Variants in CDRT4 observed in about 807,000 individuals in gnomAD.
CDRT4 encodes CMT1A duplicated region transcript 4, also known as CMT1A duplicated region transcript 4 protein.
For missense variants in CDRT4, 167 were observed against 193.1 expected (o/e 0.87, Z 0.80); for synonymous variants, 64 against 69.6 (o/e 0.92, Z 0.40).
rs1214359523 is a variant in CDRT4 at position 15,437,831 on chromosome 17, T to C, written c.401A>G (p.Asn134Ser). ...DSRDCPTENY[N>S]KIIFARKPMM... ...AGGCTTGCGGGCAAAGATGATCTTG[T>C]TATAGTTTTCAGTTGGACAGTCTCT... Residue 134 changes from asparagine to serine, a missense_variant, in exon 4 of 4, where the codon AAC (asparagine) becomes AGC (serine). By Grantham distance (46) the Asn-to-Ser change is conservative. Transcript: ENST00000619038. The C allele has an allele frequency of 6.2e-7, 1 of 1,614,146 alleles. No homozygotes were observed. Among genetic ancestry groups the C allele is most frequent in the East Asian group, 2.2e-5 (1 of 44,880 alleles).
intron 2 of CDRT4, among the ~76,000 whole-genome samples, chr17:15,446,153 C>G (rs1347005482): frequency 6.6e-6 from 1 of 152,050 alleles, no homozygotes; most frequent in Non-Finnish European, 1.5e-5. Flanking sequence ...CCGAATGGGC[C>G]GACAAGAGAC....
chr17:15,440,919 A>T (rs999552941), intron 2 of CDRT4, among the ~76,000 whole-genome samples: 7 of 152,192 alleles, frequency 4.6e-5, no homozygotes, highest in Non-Finnish European at 7.3e-5. Flanking sequence ...CACCTCCAGA[A>T]CTGCTGATTT....
At chr17:15,455,115 GGACCACA>G (rs1462904286) in intron 1 of CDRT4, among the ~76,000 whole-genome samples, 3 of 152,072 alleles carry the variant, frequency 2.0e-5, no homozygotes, top group African/African-American at 7.2e-5. Context: ...AGAATGACAG[GGACCACA>G]GAGAAAAGGA....
At chr17:15,455,387 G>A (rs1461381723) in intron 1 of CDRT4, among the ~76,000 whole-genome samples, 3 of 152,250 alleles carry the variant, frequency 2.0e-5, no homozygotes, top group African/African-American at 7.2e-5. Flanking sequence ...AGAGCCAATA[G>A]GATGAATGGC....
chr17:15,462,617 C>T (rs567072179), intron 1 of CDRT4, among the ~76,000 whole-genome samples: 1 of 152,188 alleles, frequency 6.6e-6, no homozygotes, highest in South Asian at 2.1e-4. Flanking sequence ...GAACAGGCTA[C>T]ACCTATTGCA....
rs546488122 is a variant in CDRT4 at position 15,464,252 on chromosome 17, C to T, written c.-130+3208G>A. The stretch of plus-strand genomic sequence containing the variant: ...CAATGGGTAGATGTGGAGACCCCTA[C>T]GCCAGGCAAGCCTTCAGGTTTGAGA... On this transcript the variant is annotated intron_variant, in intron 1 of 3. Transcript: ENST00000619038. The surrounding 1 kb of genome is among the most constrained non-coding windows in gnomAD (Gnocchi z 4.5). 1.3e-5 allele frequency among the ~76,000 whole-genome samples: 2 copies of T among 152,216 alleles called. No homozygotes were observed. The highest frequency in any genetic ancestry group is 1.9e-4 in the East Asian group (1 of 5,160).
intron 1 of CDRT4, among the ~76,000 whole-genome samples, chr17:15,466,613 C>T (rs371266883): frequency 6.6e-6 from 1 of 152,162 alleles, no homozygotes; most frequent in South Asian, 2.1e-4. Flanking sequence ...CAGCCTCAAA[C>T]TCCTGGGCTC....
intron 1 of CDRT4, among the ~76,000 whole-genome samples, chr17:15,460,189 C>T (rs1979683683): frequency 3.3e-5 from 5 of 152,204 alleles, no homozygotes; most frequent in Admixed American, 3.3e-4. Context: ...CTCTCTCCCA[C>T]CACATTCAAA....
chr17:15,454,504 AC>A (rs1979398911), intron 1 of CDRT4, among the ~76,000 whole-genome samples: 1 of 152,290 alleles, frequency 6.6e-6, no homozygotes, highest in Middle Eastern at 3.4e-3. Flanking sequence ...ACATGCATAC[AC>A]ATACAGGCAC....
chr17:15,446,600 C>T (rs922637966), intron 2 of CDRT4, among the ~76,000 whole-genome samples: 1 of 152,142 alleles, frequency 6.6e-6, no homozygotes, highest in Non-Finnish European at 1.5e-5. Flanking sequence ...AAGTCCATTA[C>T]CGCACTATCT....
At chr17:15,443,780 CA>C in intron 2 of CDRT4, 6 of 515,942 alleles carry the variant, frequency 1.2e-5, no homozygotes, top group Admixed American at 2.2e-5. Context: ...GGACAGAAAA[CA>C]AAAAAGGCTC....
At chr17:15,449,363 G>T (rs1016082094) in intron 2 of CDRT4, among the ~76,000 whole-genome samples, 1 of 152,226 alleles carries the variant, frequency 6.6e-6, no homozygotes, top group African/African-American at 2.4e-5. Flanking sequence ...TAAGCAGCCT[G>T]TCCAAGGTCA....
At chr17:15,456,910 G>A (rs1215763098) in intron 1 of CDRT4, among the ~76,000 whole-genome samples, 1 of 152,188 alleles carries the variant, frequency 6.6e-6, no homozygotes, top group Non-Finnish European at 1.5e-5. Context: ...TCTCTGCATT[G>A]TTAAAGCCAT....
At position 15,440,962 on chromosome 17, in the gene CDRT4, GA is replaced by G. The variant is rs547438314; in HGVS notation, c.-47-678del. 4.9e-3 allele frequency among the ~76,000 whole-genome samples: 736 copies of G among 150,566 alleles called. 4 individuals carry two copies. Among genetic ancestry groups the G allele is most frequent in the Non-Finnish European group, 6.8e-3 (457 of 67,536 alleles). On this transcript the variant is annotated intron_variant, in intron 2 of 3. Coordinates refer to ENST00000619038, the MANE Select transcript of CDRT4 (RefSeq NM_001204477.2). ...GCTGTTTTAAGCCAAAAGGGGGAAA[GA>G]AAAAAAAACTACTGGAGATTTGTAA...
intron 3 of CDRT4, 48 bp downstream of exon 3, chr17:15,440,160 A>C: frequency 1.2e-6 from 2 of 1,605,186 alleles, no homozygotes; most frequent in South Asian, 2.2e-5. Flanking sequence ...CTCCAACCCT[A>C]GACGGCCCCA....
intron 2 of CDRT4, among the ~76,000 whole-genome samples, chr17:15,441,972 A>T (rs1597457075): frequency 6.6e-6 from 1 of 152,142 alleles, no homozygotes; most frequent in African/African-American, 2.4e-5. Context: ...TCCTTCTAAG[A>T]CCTACCATAA....
chr17:15,456,563 T>TACACACACACACACAC lies in CDRT4; in HGVS notation c.-129-3494_-129-3479dup, dbSNP rs3029212. ...AGGAAGATTGCCGCTAATCTTCCTT[T>TACACACACACACACAC]ACACACACACACACACACACACACA... On this transcript the variant is annotated intron_variant, in intron 1 of 3. Coordinates refer to ENST00000619038, the MANE Select transcript of CDRT4 (RefSeq NM_001204477.2). Among the ~76,000 whole-genome samples the TACACACACACACACAC allele has an allele frequency of 4.3e-3, 631 of 145,700 alleles. 3 individuals are homozygous for TACACACACACACACAC. Among genetic ancestry groups the TACACACACACACACAC allele is most frequent in the African/African-American group, 0.015 (575 of 39,150 alleles).
rs181668714 is a variant in CDRT4, at chr17:15,437,499, C to A, written c.*274G>T. The A allele has an allele frequency of 2.0e-6, 1 of 498,820 alleles. No individual in the cohort carries two copies. Among genetic ancestry groups the A allele is most frequent in the East Asian group, 3.3e-5 (1 of 30,258 alleles). The allele number at this position is 498,820 out of a possible 1,614,324, so 30.9% of individuals were successfully genotyped here. A position where few individuals can be genotyped will look rare whatever the true frequency, so the allele number is the denominator to read the frequency against. ...TCCTGCCTGGACCCAGACAAATCAC[C>A]CACATTTTGGTCCTGAGAATCTGCA... is the stretch of plus-strand genomic sequence containing the variant. On this transcript the variant is annotated 3_prime_UTR_variant, in exon 4 of 4. Coordinates refer to ENST00000619038, the MANE Select transcript of CDRT4 (RefSeq NM_001204477.2).
intron 2 of CDRT4, among the ~76,000 whole-genome samples, chr17:15,449,162 A>C (rs1979155553): frequency 6.6e-6 from 1 of 152,256 alleles, no homozygotes; most frequent in African/African-American, 2.4e-5. Flanking sequence ...TGGTGAGAGG[A>C]AAACGCCACT....
Sources: allele counts gnomAD v4.1 joint callset (sites outside exome capture counted in the v4.1 genomes callset), GRCh38; gene constraint gnomAD v4.1.1; non-coding constraint Gnocchi (gnomAD v3.1); transcripts MANE v1.5; gene names NCBI Gene and HGNC (gene_info 2026-07-23, HGNC 2026-07-21).